LRRK1: variants seen among roughly 807,000 people sequenced by gnomAD.
LRRK1 encodes the protein leucine rich repeat kinase 1.
LRRK1 carries 113 observed loss-of-function variants against 209.1 expected under a neutral mutation model. That is an observed-to-expected ratio of 0.54 (90% CI 0.46 to 0.63). The LOEUF (loss-of-function observed/expected upper bound fraction) is 0.63. Ranked by LOEUF, LRRK1 falls within the 30% of genes least tolerant of loss-of-function variation. The pLI, the probability that LRRK1 is intolerant of heterozygous loss-of-function variation, is 0.00. For missense variants in LRRK1, 2,284 were observed against 2,632.2 expected (o/e 0.87, Z 2.89); for synonymous variants, 1,144 against 1,099.7 (o/e 1.04, Z -0.80).
chr15:101,057,119 G>A, intron 28 of LRRK1, 69 bp downstream of exon 28: 3 of 1,403,662 alleles, frequency 2.1e-6, no homozygotes, highest in South Asian at 1.4e-5. Flanking sequence ...GTCCCCAGGG[G>A]GTGTGTGCCT....
At chr15:100,932,863 A>T (rs1394950987) in intron 2 of LRRK1, among the ~76,000 whole-genome samples, 1 of 151,884 alleles carries the variant, frequency 6.6e-6, no homozygotes, top group African/African-American at 2.4e-5. Context: ...TCTGCATTTC[A>T]TTCTTTTGGG....
chr15:101,039,588 C>T (rs1248302107), intron 20 of LRRK1, among the ~76,000 whole-genome samples: 2 of 151,960 alleles, frequency 1.3e-5, no homozygotes, highest in African/African-American at 4.8e-5. Context: ...CTCTGTTTGC[C>T]TGATTGCATT....
chr15:101,021,821 CGTG>C, intron 13 of LRRK1, 21 bp from the exon 14 acceptor site: 5 of 1,389,916 alleles, frequency 3.6e-6, no homozygotes, highest in Non-Finnish European at 5.1e-6. Flanking sequence ...TGTATTCTCT[CGTG>C]GTGGACACAT....
intron 13 of LRRK1, 113 bp from the exon 14 acceptor site, chr15:101,021,732 T>C (rs1357556238): frequency 1.5e-6 from 1 of 671,612 alleles, no homozygotes; most frequent in Admixed American, 2.9e-5. Flanking sequence ...AAGTGTGGGG[T>C]CTGGGGTACA....
intron 31 of LRRK1, chr15:101,064,769 G>GA: frequency 1.3e-5 from 2 of 155,238 alleles, no homozygotes; most frequent in Admixed American, 6.2e-5. Context: ...GCCAGGTGGA[G>GA]TCACAGGGCC....
chr15:101,011,456 C>T (rs1250575454), intron 9 of LRRK1, among the ~76,000 whole-genome samples: 1 of 134,624 alleles, frequency 7.4e-6, no homozygotes, highest in African/African-American at 2.8e-5. Flanking sequence ...AGTCTGGTGA[C>T]AGAGCAAGAC....
intron 2 of LRRK1, among the ~76,000 whole-genome samples, chr15:100,963,571 C>T (rs535238639): frequency 3.1e-4 from 47 of 152,382 alleles, no homozygotes; most frequent in South Asian, 2.9e-3. Context: ...TGGCCTGGGC[C>T]GCTTGTCTGC....
intron 2 of LRRK1, among the ~76,000 whole-genome samples, chr15:100,947,613 C>A (rs948970225): frequency 3.3e-5 from 5 of 152,174 alleles, no homozygotes; most frequent in African/African-American, 1.2e-4. Flanking sequence ...TCTGCTCCTT[C>A]CGCTGCTGGA....
At chr15:100,994,103 C>G (rs367714157) in intron 6 of LRRK1, among the ~76,000 whole-genome samples, 1 of 152,224 alleles carries the variant, frequency 6.6e-6, no homozygotes, top group East Asian at 1.9e-4. Context: ...TTTCCAAGCA[C>G]TTTCTTAACT....
At chr15:100,977,564 C>A (rs553055047) in intron 3 of LRRK1, among the ~76,000 whole-genome samples, 1 of 152,342 alleles carries the variant, frequency 6.6e-6, no homozygotes, top group African/African-American at 2.4e-5. Context: ...CATTCCCCAT[C>A]TAACTAGGGC....
At chr15:101,058,851 C>A (rs113323413) in intron 29 of LRRK1, among the ~76,000 whole-genome samples, 1 of 151,258 alleles carries the variant, frequency 6.6e-6, no homozygotes, top group African/African-American at 2.4e-5. Flanking sequence ...AGGCGGTGGC[C>A]AGACAAGACG....
In LRRK1 at chr15:101,021,833, A is replaced by G. The variant is rs1363843198; in HGVS notation, c.1740-12A>G. ...GTGTGTATTCTCTCGTGGTGGACAC[A>G]TCTGTCTTCAGCAACCCTGGCCTCC... On this transcript the variant is annotated splice_polypyrimidine_tract_variant and intron_variant, in intron 13 of 33. Coordinates refer to ENST00000388948, the MANE Select transcript of LRRK1 (RefSeq NM_024652.6). 6.3e-7 allele frequency: 1 copy of G among 1,583,786 alleles called. No individual in the cohort carries two copies. The highest frequency in any genetic ancestry group is 1.1e-5 in the South Asian group (1 of 90,084).
intron 27 of LRRK1, among the ~76,000 whole-genome samples, chr15:101,056,062 G>A (rs1009084418): frequency 1.3e-5 from 2 of 152,128 alleles, no homozygotes; most frequent in African/African-American, 2.4e-5. Flanking sequence ...TCAACAAGGA[G>A]GTCACCTTGA....
At chr15:100,956,227 T>A (rs1329928164) in intron 2 of LRRK1, among the ~76,000 whole-genome samples, 2 of 152,094 alleles carry the variant, frequency 1.3e-5, no homozygotes, top group Non-Finnish European at 2.9e-5. Flanking sequence ...ATAGGTAGTA[T>A]GTTTCTAAGA....
intron 2 of LRRK1, among the ~76,000 whole-genome samples, chr15:100,939,333 A>G (rs2042359568): frequency 6.6e-6 from 1 of 152,070 alleles, no homozygotes; most frequent in Non-Finnish European, 1.5e-5. Context: ...GCAATTTTCC[A>G]CAGTCTGGAT....
intron 2 of LRRK1, among the ~76,000 whole-genome samples, chr15:100,951,058 G>C (rs1169374202): frequency 6.6e-6 from 1 of 152,226 alleles, no homozygotes; most frequent in Non-Finnish European, 1.5e-5. Flanking sequence ...AGCAGAGGTT[G>C]CGCCACCGCA....
chr15:100,940,787 G>C (rs1166996631), intron 2 of LRRK1, among the ~76,000 whole-genome samples: 2 of 152,248 alleles, frequency 1.3e-5, no homozygotes, highest in South Asian at 4.1e-4. Flanking sequence ...TTTCCTCCAA[G>C]ATAAGGATGA....
chr15:101,028,324 C>T (rs1411585480), intron 19 of LRRK1, among the ~76,000 whole-genome samples: 1 of 152,210 alleles, frequency 6.6e-6, no homozygotes, highest in African/African-American at 2.4e-5. Flanking sequence ...ATTGAACTCA[C>T]GGCTGACAGC....
rs1317587324 is a variant in LRRK1 at position 100,999,960 on chromosome 15, C to T, written c.763-8877C>T. ...AGGTTTCTCATTTATCTGGTTTCAACGGTAATATTTCCTTTCTTTGTTTAA... is the reference window on the plus strand; with the variant it reads ...AGGTTTCTCATTTATCTGGTTTCAATGGTAATATTTCCTTTCTTTGTTTAA... On this transcript the variant is annotated intron_variant, in intron 6 of 33. Transcript: ENST00000388948. Among the ~76,000 whole-genome samples, 3 of 152,202 alleles carry T rather than the reference C, an allele frequency of 2.0e-5. No individual in the cohort carries two copies. The East Asian group carries it at 5.8e-4, about 29-fold the overall frequency.
Sources: gnomAD v4.1 joint callset for allele counts (sites outside exome capture counted in the v4.1 genomes callset) on GRCh38, gnomAD v4.1.1 for gene constraint, MANE v1.5 for transcripts, NCBI Gene and HGNC (gene_info 2026-07-23, HGNC 2026-07-21) for gene names.